Variants in CDYL2 observed in about 807,000 individuals in gnomAD.
CDYL2 encodes chromodomain Y like 2, also known as chromodomain Y-like protein 2.
A neutral mutation model predicts 49.4 loss-of-function variants in CDYL2; 23 were observed. The observed-to-expected ratio is 0.47, with a 90% CI of 0.34 to 0.66. CDYL2 has a LOEUF of 0.66. Ranked by LOEUF, CDYL2 falls within the 30% of genes least tolerant of loss-of-function variation. The pLI is 0.01. For missense variants in CDYL2, 678 were observed against 656.4 expected, an observed-to-expected ratio of 1.03 and a Z score of -0.36; for synonymous variants, 360 against 268.8, an observed-to-expected ratio of 1.34 and a Z score of -3.32.
At chr16:80,659,090 TGG>T (rs1908932375) in intron 2 of CDYL2, among the ~76,000 whole-genome samples, 4 of 137,716 alleles carry the variant, frequency 2.9e-5, no homozygotes, top group African/African-American at 1.1e-4. Flanking sequence ...GATGGATGGA[TGG>T]ATGGATGGAC....
At chr16:80,695,105 G>A (rs539672249) in intron 1 of CDYL2, among the ~76,000 whole-genome samples, 2 of 152,374 alleles carry the variant, frequency 1.3e-5, no homozygotes, top group South Asian at 4.1e-4. Flanking sequence ...ATTATGGCCT[G>A]CAGGCCAAAT....
intron 1 of CDYL2, among the ~76,000 whole-genome samples, chr16:80,792,088 A>G (rs1383582562): frequency 1.3e-5 from 2 of 152,162 alleles, no homozygotes; most frequent in African/African-American, 2.4e-5. Context: ...GAACAGGTGG[A>G]TGGGGGTGCT....
At chr16:80,752,085 C>T (rs1483092211) in intron 1 of CDYL2, among the ~76,000 whole-genome samples, 4 of 151,554 alleles carry the variant, frequency 2.6e-5, no homozygotes, top group Admixed American at 6.6e-5. Context: ...AAATAGATAA[C>T]CATGTGGACA....
intron 1 of CDYL2, among the ~76,000 whole-genome samples, chr16:80,781,618 T>G (rs1233924870): frequency 1.3e-5 from 2 of 152,148 alleles, no homozygotes; most frequent in Non-Finnish European, 2.9e-5. Context: ...TTCTCCTGAA[T>G]AGACTACATG....
At chr16:80,755,905 AC>A (rs1906294496) in intron 1 of CDYL2, among the ~76,000 whole-genome samples, 1 of 152,194 alleles carries the variant, frequency 6.6e-6, no homozygotes, top group Non-Finnish European at 1.5e-5. Context: ...TTTTCTGTAA[AC>A]CTAAAACTGC....
intron 2 of CDYL2, among the ~76,000 whole-genome samples, chr16:80,681,112 G>A (rs1909951248): frequency 6.6e-6 from 1 of 152,150 alleles, no homozygotes; most frequent in African/African-American, 2.4e-5. Flanking sequence ...AGCAGTAAAT[G>A]AGTAACATGT....
At chr16:80,665,910 G>A (rs901257511) in intron 2 of CDYL2, among the ~76,000 whole-genome samples, 15 of 152,180 alleles carry the variant, frequency 9.9e-5, no homozygotes, top group Admixed American at 2.0e-4. Flanking sequence ...TCTTGATTTC[G>A]CCTTGCTGGC....
At chr16:80,616,600 G>A (rs949281641) in intron 4 of CDYL2, among the ~76,000 whole-genome samples, 1 of 152,094 alleles carries the variant, frequency 6.6e-6, no homozygotes, top group Non-Finnish European at 1.5e-5. Flanking sequence ...AGCCAGTACG[G>A]GACCAAACAG....
At chr16:80,684,374 G>C (rs775669720) in intron 2 of CDYL2, among the ~76,000 whole-genome samples, 164 bp downstream of exon 2, 24 of 152,100 alleles carry the variant, frequency 1.6e-4, no homozygotes, top group Non-Finnish European at 2.9e-4. Flanking sequence ...ATGGGCCTAC[G>C]ACCGAGTCCA....
chr16:80,662,240 C>T (rs1292861687), intron 2 of CDYL2, among the ~76,000 whole-genome samples: 6 of 152,316 alleles, frequency 3.9e-5, no homozygotes, highest in African/African-American at 1.2e-4. Flanking sequence ...GGAGAGAACA[C>T]AGCGTGAGTG....
At chr16:80,695,971 G>C (rs984529285) in intron 1 of CDYL2, among the ~76,000 whole-genome samples, 1 of 152,176 alleles carries the variant, frequency 6.6e-6, no homozygotes, top group Non-Finnish European at 1.5e-5. Context: ...AGCACATGAA[G>C]CATTCTCCAG....
In CDYL2 at chr16:80,633,241, CA is replaced by C; in HGVS notation, c.617-6del. On this transcript the variant is annotated splice_region_variant and splice_polypyrimidine_tract_variant and intron_variant, in intron 2 of 6. Coordinates refer to ENST00000570137, the MANE Select transcript of CDYL2 (RefSeq NM_152342.4). ...CCCCGTTGGTCAGAGCAGAGCCTTCCAAAACCAGATAAACAATGTAAGAAAC... is the reference window on the plus strand; with the variant it reads ...CCCCGTTGGTCAGAGCAGAGCCTTCCAAACCAGATAAACAATGTAAGAAAC... The C allele has an allele frequency of 1.2e-6, 2 of 1,609,888 alleles. No individual in the cohort carries two copies. The highest frequency in any genetic ancestry group is 1.7e-6 in the Non-Finnish European group (2 of 1,176,628).
intron 5 of CDYL2, among the ~76,000 whole-genome samples, chr16:80,608,907 C>G (rs187587741): frequency 4.6e-5 from 7 of 152,312 alleles, no homozygotes; most frequent in Middle Eastern, 6.8e-3. Context: ...CTGGGAGAAC[C>G]ATTAAGCTCC....
intron 1 of CDYL2, among the ~76,000 whole-genome samples, chr16:80,685,807 T>G (rs1910167014): frequency 6.6e-6 from 1 of 152,186 alleles, no homozygotes; most frequent in African/African-American, 2.4e-5. Context: ...AACTGGGGTT[T>G]GAACCACTCT....
At chr16:80,801,049 T>C (rs11150314) in intron 1 of CDYL2, among the ~76,000 whole-genome samples, 5 of 152,028 alleles carry the variant, frequency 3.3e-5, no homozygotes, top group African/African-American at 1.2e-4. Context: ...TTGAGCCAAG[T>C]CAAAATGCGT....
intron 5 of CDYL2, among the ~76,000 whole-genome samples, chr16:80,611,110 G>A (rs532907690): frequency 3.3e-5 from 5 of 152,238 alleles, no homozygotes; most frequent in South Asian, 4.2e-4. Flanking sequence ...GAATTCTTGC[G>A]TCTGTTCAAA....
chr16:80,697,668 T>C (rs1904281614), intron 1 of CDYL2, among the ~76,000 whole-genome samples: 2 of 152,082 alleles, frequency 1.3e-5, no homozygotes, highest in Non-Finnish European at 2.9e-5. Flanking sequence ...TATATATATA[T>C]AAATCTAAAG....
intron 1 of CDYL2, among the ~76,000 whole-genome samples, chr16:80,754,906 T>A (rs1302136131): frequency 6.6e-6 from 1 of 152,172 alleles, no homozygotes; most frequent in Non-Finnish European, 1.5e-5. Flanking sequence ...AGACATTTGC[T>A]GTTTCAATGA....
chr16:80,711,405 G>A (rs1904591611), intron 1 of CDYL2, among the ~76,000 whole-genome samples: 1 of 152,206 alleles, frequency 6.6e-6, no homozygotes, highest in Admixed American at 6.5e-5. Flanking sequence ...ATGCACACCT[G>A]GGAGGGGGCA....
Sources: allele counts gnomAD v4.1 joint callset (sites outside exome capture counted in the v4.1 genomes callset), GRCh38; gene constraint gnomAD v4.1.1; transcripts MANE v1.5; gene names NCBI Gene and HGNC (gene_info 2026-07-23, HGNC 2026-07-21).